The following C6orf136 variants were observed in gnomAD, a reference collection of about 807,000 sequenced individuals.
C6orf136 encodes uncharacterized protein C6orf136.
C6orf136 carries 29 observed loss-of-function variants against 44.0 expected under a neutral mutation model. The observed-to-expected ratio is 0.66, with a 90% CI of 0.49 to 0.90. The LOEUF is 0.90. Among genes scored for constraint, C6orf136 ranks in the 40% least tolerant of loss-of-function variants. The pLI is 0.00. For synonymous variants in C6orf136, 293 were observed against 278.6 expected (o/e 1.05, Z -0.52); for missense variants, 628 against 669.3 (o/e 0.94, Z 0.68).
Position 30,647,349 on chromosome 6 carries a change from C to A in C6orf136, c.118C>A (p.Pro40Thr), listed in dbSNP as rs1270660756. ...EGGRRGGGER[P>T]SSKPVRGAER... The stretch of plus-strand genomic sequence containing the variant: ...AGGGAGGAGAGGGGGCGGGGAGAGA[C>A]CCTCCTCAAAGCCGGTGCGTGGGGC... Residue 40 changes from proline (P) to threonine (T), a missense_variant, in exon 1 of 6, where the codon CCC becomes ACC. Around this residue, in one of 2 missense-constraint regions of C6orf136, gnomAD observed 497 missense variants for 469.2 expected, o/e 1.06. Coordinates refer to ENST00000651131, the MANE Select transcript of C6orf136 (RefSeq NM_001161376.2). The surrounding 1 kb of genome is among the most constrained non-coding windows in gnomAD (Gnocchi z 4.8). The A allele has an allele frequency of 3.9e-6, 6 of 1,550,222 alleles. No individual in the cohort carries two copies. Among genetic ancestry groups the A allele is most frequent in the Non-Finnish European group, 5.2e-6 (6 of 1,153,374 alleles).
chr6:30,651,773 G>A (rs1452000647), intron 4 of C6orf136, among the ~76,000 whole-genome samples: 2 of 152,040 alleles, frequency 1.3e-5, no homozygotes, highest in Admixed American at 6.6e-5. Flanking sequence ...CCAAAGTGCT[G>A]AGATTACAGA....
At chr6:30,651,947 G>A (rs757717693) in intron 4 of C6orf136, among the ~76,000 whole-genome samples, 23 of 152,170 alleles carry the variant, frequency 1.5e-4, no homozygotes, top group Non-Finnish European at 3.1e-4. Context: ...CACATGGTAG[G>A]TACTCAAATA....
Position 30,653,005 on chromosome 6 carries a change from C to G in C6orf136, c.*90C>G. 7.9e-7 allele frequency: 1 copy of G among 1,267,222 alleles called. No homozygotes were observed. The highest frequency in any genetic ancestry group is 1.1e-6 in the Non-Finnish European group (1 of 884,440). The allele number at this position is 1,267,222 out of a possible 1,614,324, so 78.5% of individuals were successfully genotyped here. ...GCCAAGAATCTCAGGAGCCAGCTTCCTCTCCTCGTTTCTCTCCTTCCTTCC... is the reference window on the plus strand; with the variant it reads ...GCCAAGAATCTCAGGAGCCAGCTTCGTCTCCTCGTTTCTCTCCTTCCTTCC... On this transcript the variant is annotated 3_prime_UTR_variant, in exon 6 of 6. Coordinates refer to ENST00000651131, the MANE Select transcript of C6orf136 (RefSeq NM_001161376.2).
At position 30,648,399 on chromosome 6, in the gene C6orf136, C is replaced by CT. The variant is rs57790985; in HGVS notation, c.615+570dup. On this transcript the variant is annotated intron_variant, in intron 1 of 5. Transcript: ENST00000651131. ...GTGAAACTGCCCCCAGTGTTGGAAT[C>CT]TTTTTTTTTTTTTTTTTGAAATGGA... is the stretch of plus-strand genomic sequence containing the variant. 7.7e-3 allele frequency among the ~76,000 whole-genome samples: 1,038 copies of CT among 135,358 alleles called. 6 individuals carry two copies. The highest frequency in any genetic ancestry group is 0.02 in the African/African-American group (733 of 37,154). The allele number at this position is 135,358 out of a possible 152,430, so 88.8% of individuals were successfully genotyped here. A position where few individuals can be genotyped will look rare whatever the true frequency, so the allele number is the denominator to read the frequency against.
rs1767251925 is a variant in C6orf136, at chr6:30,649,940, A to G, written c.998A>G (p.Tyr333Cys). The change falls in exon 2 of 6, where the codon TAT becomes TGT. Residue 333 changes from tyrosine (Y) to cysteine (C), a missense_variant. This residue lies in a region of C6orf136 where 497 missense variants were observed against 469.2 expected (regional missense o/e 1.06). Transcript: ENST00000651131. The stretch of plus-strand genomic sequence containing the variant: ...ATGGAGGAACATCTGTCTGTCATGT[A>G]TGAGAGACTGAGACAAGAGGTAAGT... ...PSMEEHLSVM[Y>C]ERLRQELPKL... 1.9e-6 allele frequency: 3 copies of G among 1,613,416 alleles called. No homozygotes were observed. In the African/African-American group the frequency reaches 4.0e-5, roughly 22 times the overall value.
At chr6:30,651,570 G>C (rs1767425951) in intron 4 of C6orf136, 104 bp downstream of exon 4, 4 of 1,160,300 alleles carry the variant, frequency 3.4e-6, no homozygotes, top group Non-Finnish European at 3.7e-6. Flanking sequence ...GCAGTGGCGT[G>C]ATCTCAGCTC....
At chr6:30,652,458 T>C (rs1378506721) in intron 4 of C6orf136, among the ~76,000 whole-genome samples, 190 bp from the exon 5 acceptor site, 2 of 152,120 alleles carry the variant, frequency 1.3e-5, no homozygotes, top group Non-Finnish European at 2.9e-5. Context: ...CAAGGATCGT[T>C]AAAAAATATT....
At chr6:30,651,111 G>T (rs747790395) in intron 3 of C6orf136, 29 bp downstream of exon 3, 2 of 1,601,238 alleles carry the variant, frequency 1.2e-6, no homozygotes, top group Non-Finnish European at 1.7e-6. Flanking sequence ...GTAGGGCACT[G>T]GGGAGGAAAA....
At position 30,649,734 on chromosome 6, in the gene C6orf136, G is replaced by C; in HGVS notation, c.792G>C (p.Trp264Cys). 1.2e-6 allele frequency: 2 copies of C among 1,613,806 alleles called. No individual in the cohort carries two copies. Among genetic ancestry groups the C allele is most frequent in the Non-Finnish European group, 1.7e-6 (2 of 1,179,894 alleles). ...AGATCCAGGCCCTCAGCTCAGCATG[G>C]GTGGTTCTCCCTCCAGGAAAGGGGG... Reference protein sequence around the residue: ...LPQIQALSSAWVVLPPGKGEE... With the variant: ...LPQIQALSSACVVLPPGKGEE... The change falls in exon 2 of 6, where the codon TGG becomes TGC. Residue 264 changes from tryptophan (W) to cysteine (C), a missense_variant. Trp to Cys is a radical substitution (Grantham distance 215). This residue lies in a region of C6orf136 where 497 missense variants were observed against 469.2 expected (regional missense o/e 1.06). Coordinates refer to ENST00000651131, the MANE Select transcript of C6orf136 (RefSeq NM_001161376.2).
Position 30,649,973 on chromosome 6 carries a change from A to C in C6orf136, c.1017+14A>C, listed in dbSNP as rs1180613683. The stretch of plus-strand genomic sequence containing the variant: ...CTGAGACAAGAGGTAAGTCAGTGCA[A>C]AAGTGGCCTTCGTCTACAGTGGGAA... On this transcript the variant is annotated intron_variant, in intron 2 of 5. Transcript: ENST00000651131. 1.2e-6 allele frequency: 2 copies of C among 1,609,656 alleles called. No homozygotes were observed. Among genetic ancestry groups the C allele is most frequent in the African/African-American group, 1.3e-5 (1 of 74,918 alleles).
rs1767003098 is a variant in C6orf136 at position 30,647,784 on chromosome 6, G to A, written c.553G>A (p.Gly185Ser). ...VCTRFGPLRP[G>S]WQDGHAPSRD... Reference sequence around the variant, plus strand: ...CACCCGGTTCGGGCCCCTGCGCCCGGGCTGGCAAGATGGCCACGCCCCCAG... The same window carrying A: ...CACCCGGTTCGGGCCCCTGCGCCCGAGCTGGCAAGATGGCCACGCCCCCAG... The change falls in exon 1 of 6, where the codon GGC (glycine) becomes AGC (serine). Residue 185 changes from glycine to serine, a missense_variant. Transcript: ENST00000651131. This position sits in a 1 kb window ranked among gnomAD's most constrained non-coding sequence, Gnocchi z 4.8. 6.5e-7 allele frequency: 1 copy of A among 1,542,724 alleles called. No individual in the cohort carries two copies. Among genetic ancestry groups the A allele is most frequent in the Non-Finnish European group, 8.7e-7 (1 of 1,144,904 alleles).
In C6orf136 at chr6:30,653,137, A is replaced by G. The variant is rs924196099; in HGVS notation, c.*222A>G. 5 of 1,388,814 alleles carry G rather than the reference A, an allele frequency of 3.6e-6. No individual in the cohort carries two copies. The African/African-American group carries it at 7.4e-5, about 20-fold the overall frequency. 86.0% of individuals were successfully genotyped at this position (1,388,814 alleles called of 1,614,324 possible). On this transcript the variant is annotated 3_prime_UTR_variant, in exon 6 of 6. Coordinates refer to ENST00000651131, the MANE Select transcript of C6orf136 (RefSeq NM_001161376.2). Reference sequence around the variant, plus strand: ...TCACATATCACTTTCTCTAGATCCCAAATGTTCCCACAAGCTTTATTCCAA... The same window carrying G: ...TCACATATCACTTTCTCTAGATCCCGAATGTTCCCACAAGCTTTATTCCAA...
At position 30,650,040 on chromosome 6, in the gene C6orf136, ATTC is replaced by A. The variant is rs1289876361; in HGVS notation, c.1017+84_1017+86del. On this transcript the variant is annotated intron_variant, in intron 2 of 5. Transcript: ENST00000651131. ...TGGACGTACAGGGATAGTCAACTGG[ATTC>A]TTTTTTGGAACCATGAGGCAGGCAT... The A allele has an allele frequency of 1.4e-5, 18 of 1,297,470 alleles. No individual in the cohort carries two copies. The East Asian group carries it at 3.5e-4, about 25-fold the overall frequency. 80.4% of individuals were successfully genotyped at this position (1,297,470 alleles called of 1,614,324 possible). A position where few individuals can be genotyped will look rare whatever the true frequency, so the allele number is the denominator to read the frequency against.
chr6:30,649,488 G>A, intron 1 of C6orf136, 70 bp from the exon 2 acceptor site: 1 of 1,412,744 alleles, frequency 7.1e-7, no homozygotes, highest in South Asian at 1.4e-5. Flanking sequence ...AGCCTGTTGA[G>A]CATCCAGGGG....
chr6:30,650,940 A>T, intron 2 of C6orf136, 54 bp from the exon 3 acceptor site: 1 of 1,395,910 alleles, frequency 7.2e-7, no homozygotes, highest in Non-Finnish European at 1.0e-6. Flanking sequence ...GAAAACTGAA[A>T]AATAGGATTA....
chr6:30,650,523 G>A (rs9262134), intron 2 of C6orf136, among the ~76,000 whole-genome samples: 13,708 of 151,680 alleles, frequency 0.09, 893 homozygotes, highest in South Asian at 0.31. Context: ...CATGGCTCAC[G>A]CTTATAATCC....
chr6:30,650,774 C>T (rs1019698495), intron 2 of C6orf136, among the ~76,000 whole-genome samples: 2 of 145,384 alleles, frequency 1.4e-5, no homozygotes, highest in Non-Finnish European at 3.0e-5. Context: ...CAGAGCTAGA[C>T]TCCATCTCAA....
intron 4 of C6orf136, among the ~76,000 whole-genome samples, chr6:30,652,256 C>T (rs1344851629): frequency 6.8e-6 from 1 of 147,580 alleles, no homozygotes; most frequent in African/African-American, 2.5e-5. Context: ...CACACACACA[C>T]ACACACACAC....
chr6:30,650,667 C>T (rs1234283936), intron 2 of C6orf136, among the ~76,000 whole-genome samples: 1 of 152,090 alleles, frequency 6.6e-6, no homozygotes, highest in Non-Finnish European at 1.5e-5. Flanking sequence ...CCTGTAATCC[C>T]AGCTACTCGG....
Sources: allele counts gnomAD v4.1 joint callset (sites outside exome capture counted in the v4.1 genomes callset), GRCh38; gene constraint gnomAD v4.1.1; regional missense constraint gnomAD v4.1.1; non-coding constraint Gnocchi (gnomAD v3.1); transcripts MANE v1.5; gene names NCBI Gene and HGNC (gene_info 2026-07-23, HGNC 2026-07-21).